The following RAI1 variants were observed in gnomAD, a reference collection of about 807,000 sequenced individuals.
The protein encoded by RAI1 is retinoic acid-induced protein 1.
In RAI1, 9 loss-of-function variants were observed where a neutral mutation model predicts 123.8. The ratio of observed to expected loss-of-function variants is 0.07; its 90% CI spans 0.04 to 0.13. The LOEUF (loss-of-function observed/expected upper bound fraction) is 0.13, where lower values mean the gene tolerates loss of function less well. Ranked by LOEUF, RAI1 falls within the 10% of genes least tolerant of loss-of-function variation. The pLI, the probability that RAI1 is intolerant of heterozygous loss-of-function variation, is 1.00. For synonymous variants in RAI1, 1,231 were observed against 1,127.3 expected (o/e 1.09, Z -1.84); for missense variants, 2,256 against 2,545.8 (o/e 0.89, Z 2.45).
intron 2 of RAI1, among the ~76,000 whole-genome samples, chr17:17,742,790 C>T (rs932511213): frequency 5.9e-5 from 9 of 152,160 alleles, no homozygotes; most frequent in Admixed American, 2.6e-4. Context: ...TCCTTGCACA[C>T]GCACTGTTCT....
chr17:17,708,135 C>T (rs898631074), intron 1 of RAI1, among the ~76,000 whole-genome samples: 10 of 152,190 alleles, frequency 6.6e-5, no homozygotes, highest in Admixed American at 6.5e-4. Context: ...TCTGCCTCTG[C>T]CTTGCTCCTC....
chr17:17,809,143 CAG>C lies in RAI1; in HGVS notation c.5660-246_5660-245del, dbSNP rs144128397. ...GTGAGGAGGGGCGGCACGTGGAACT[CAG>C]GGGGAAAAGCTCTCCGCGGAGGAGG... On this transcript the variant is annotated intron_variant, in intron 4 of 5. Transcript: ENST00000353383. The surrounding 1 kb of genome is among the most constrained non-coding windows in gnomAD (Gnocchi z 4.9). 8.2e-4 allele frequency: 481 copies of C among 588,672 alleles called. 3 individuals are homozygous for C. The East Asian group carries it at 0.011, about 14-fold the overall frequency. 36.5% of individuals were successfully genotyped at this position (588,672 alleles called of 1,614,324 possible).
Position 17,794,897 on chromosome 17 carries a change from T to G in RAI1, c.1949T>G (p.Leu650Arg), listed in dbSNP as rs1469128694. ...TCGCTGGAGAACCACAGCGCCTGCC[T>G]GGACTCTGTGGCCAAGAGTGCGTGG... ...PFSLENHSAC[L>R]DSVAKSAWPR... is the part of the protein sequence containing the mutation. The change falls in exon 3 of 6, where the codon CTG (leucine) becomes CGG (arginine). Residue 650 changes from leucine to arginine, a missense_variant. Around this residue, in one of 7 missense-constraint regions of RAI1, gnomAD observed 566 missense variants for 616.0 expected, o/e 0.92. Transcript: ENST00000353383. The G allele has an allele frequency of 6.2e-7, 1 of 1,613,514 alleles. No homozygotes were observed. Among genetic ancestry groups the G allele is most frequent in the East Asian group, 2.2e-5 (1 of 44,872 alleles).
intron 2 of RAI1, among the ~76,000 whole-genome samples, chr17:17,783,081 C>A (rs1358864488): frequency 1.4e-5 from 2 of 143,958 alleles, no homozygotes; most frequent in African/African-American, 2.6e-5. Flanking sequence ...TGGTGGCAGC[C>A]CCCCGCGGTC....
Position 17,799,896 on chromosome 17 carries a change from C to A in RAI1, c.5565+1383C>A, listed in dbSNP as rs972160637. 1.3e-5 allele frequency among the ~76,000 whole-genome samples: 2 copies of A among 152,200 alleles called. No individual in the cohort carries two copies. The highest frequency in any genetic ancestry group is 4.8e-5 in the African/African-American group (2 of 41,432). ...TGGCATTGCCTGGCCAAACCAAGGTCCCGGTGGGGGCCCACTGTGTTTGCC... is the reference window on the plus strand; with the variant it reads ...TGGCATTGCCTGGCCAAACCAAGGTACCGGTGGGGGCCCACTGTGTTTGCC... On this transcript the variant is annotated intron_variant, in intron 3 of 5. Coordinates refer to ENST00000353383, the MANE Select transcript of RAI1 (RefSeq NM_030665.4). The surrounding 1 kb of genome is among the most constrained non-coding windows in gnomAD (Gnocchi z 4.5).
intron 1 of RAI1, among the ~76,000 whole-genome samples, chr17:17,721,366 A>G (rs1279776696): frequency 1.3e-5 from 2 of 152,250 alleles, no homozygotes; most frequent in African/African-American, 4.8e-5. Context: ...GAACAAACAG[A>G]CAAAAATACC....
chr17:17,695,058 G>A (rs1914976515), intron 1 of RAI1, among the ~76,000 whole-genome samples: 1 of 152,122 alleles, frequency 6.6e-6, no homozygotes, highest in African/African-American at 2.4e-5. Flanking sequence ...GCAACCCCAC[G>A]GCAGGGGCCT....
chr17:17,776,299 A>C (rs371744309), intron 2 of RAI1, among the ~76,000 whole-genome samples: 13 of 152,336 alleles, frequency 8.5e-5, no homozygotes, highest in South Asian at 6.2e-4. Context: ...GAAGTTTTTA[A>C]ATCTTTTAGG....
chr17:17,757,443 G>A (rs541809357), intron 2 of RAI1, among the ~76,000 whole-genome samples: 2 of 152,298 alleles, frequency 1.3e-5, no homozygotes, highest in Non-Finnish European at 2.9e-5. Context: ...CCAGCCTGCC[G>A]TAGGGGTGGG....
chr17:17,704,864 TGG>T (rs5819620), intron 1 of RAI1, among the ~76,000 whole-genome samples: 2 of 130,738 alleles, frequency 1.5e-5, no homozygotes, highest in East Asian at 2.6e-4. Context: ...GGTTTTTGGG[TGG>T]GGGGGCCGGG....
At chr17:17,756,655 T>TA (rs59503666) in intron 2 of RAI1, among the ~76,000 whole-genome samples, 89,657 of 151,954 alleles carry the variant, frequency 0.59, 27,628 homozygotes, top group Non-Finnish European at 0.68. Context: ...CTTCCGCAAA[T>TA]CCTTGAGCGC....
At chr17:17,808,406 TTTATTTTA>T (rs1205545771) in intron 4 of RAI1, among the ~76,000 whole-genome samples, 8 of 102,108 alleles carry the variant, frequency 7.8e-5, no homozygotes, top group South Asian at 5.1e-4. Context: ...TTTATTTTAT[TTTATTTTA>T]TTATTTTATT....
intron 4 of RAI1, among the ~76,000 whole-genome samples, chr17:17,808,555 C>T (rs141264095): frequency 0.014 from 2,152 of 152,048 alleles, 37 homozygotes; most frequent in African/African-American, 0.035. Context: ...TCAAGTGATC[C>T]TCCCGCCCCA....
At chr17:17,743,267 G>C (rs1916702271) in intron 2 of RAI1, among the ~76,000 whole-genome samples, 1 of 152,164 alleles carries the variant, frequency 6.6e-6, no homozygotes, top group South Asian at 2.1e-4. Context: ...CTCCCAATGG[G>C]CTCACACCCC....
At position 17,793,848 on chromosome 17, in the gene RAI1, G is replaced by C. The variant is rs2032124095; in HGVS notation, c.900G>C (p.Gln300His). The stretch of plus-strand genomic sequence containing the variant: ...CCCTTCAGAGCCGGCACCATGCCCA[G>C]GAAACCCTCCATTACCAAAACCTCG... ...QQALQSRHHA[Q>H]ETLHYQNLAK... The change falls in exon 3 of 6, where the codon CAG (glutamine) becomes CAC (histidine). Residue 300 changes from glutamine (Q) to histidine (H), a missense_variant. Physicochemically the swap from Gln to His is conservative, Grantham distance 24 (BLOSUM62 0). Coordinates refer to ENST00000353383, the MANE Select transcript of RAI1 (RefSeq NM_030665.4). The C allele has an allele frequency of 1.2e-6, 2 of 1,613,212 alleles. No homozygotes were observed. The highest frequency in any genetic ancestry group is 1.7e-6 in the Non-Finnish European group (2 of 1,180,028).
At chr17:17,798,564 G>A in intron 3 of RAI1, 51 bp downstream of exon 3, 1 of 1,592,192 alleles carries the variant, frequency 6.3e-7, no homozygotes, top group Non-Finnish European at 8.5e-7. Context: ...CAAAGGACAG[G>A]CAGGCAGGCA....
In RAI1 at chr17:17,794,449, C is replaced by A. The variant is rs1299372537; in HGVS notation, c.1501C>A (p.Pro501Thr). 1 of 1,612,672 alleles carries A rather than the reference C, an allele frequency of 6.2e-7. No homozygotes were observed. Among genetic ancestry groups the A allele is most frequent in the Non-Finnish European group, 8.5e-7 (1 of 1,179,884 alleles). The change falls in exon 3 of 6, where the codon CCG (proline) becomes ACG (threonine). Residue 501 changes from proline (P) to threonine (T), a missense_variant. Pro to Thr is a conservative substitution (Grantham distance 38, BLOSUM62 -1). Around this residue, in one of 7 missense-constraint regions of RAI1, gnomAD observed 357 missense variants for 480.2 expected, o/e 0.74. Transcript: ENST00000353383. ...CGCAGGCACACCGCTGTCAGAGCCG[C>A]CGAGCAGCACGCCACAGTCCACGCA... is the stretch of plus-strand genomic sequence containing the variant. ...EPAGTPLSEP[P>T]SSTPQSTHAE...
In RAI1 at chr17:17,797,962, T is replaced by C; in HGVS notation, c.5014T>C (p.Leu1672=). ...CTTGCCCCTCTCCTCCACGATGCACTTGGGGCCTGTGGTTTCCAAGGCCCT... is the reference window on the plus strand; with the variant it reads ...CTTGCCCCTCTCCTCCACGATGCACCTGGGGCCTGTGGTTTCCAAGGCCCT... ...PSLPLSSTMH[L]GPVVSKALST... Residue 1672 remains leucine (L), a synonymous_variant, in exon 3 of 6, where the codon TTG becomes CTG. Coordinates refer to ENST00000353383, the MANE Select transcript of RAI1 (RefSeq NM_030665.4). 6.2e-7 allele frequency: 1 copy of C among 1,614,084 alleles called. No homozygotes were observed. The highest frequency in any genetic ancestry group is 1.1e-5 in the South Asian group (1 of 91,086).
chr17:17,735,766 C>G (rs920645013), intron 2 of RAI1, among the ~76,000 whole-genome samples: 1 of 152,204 alleles, frequency 6.6e-6, no homozygotes, highest in African/African-American at 2.4e-5. Context: ...AGATGCCCAA[C>G]CTGTGCCTTC....
Sources: allele counts gnomAD v4.1 joint callset (sites outside exome capture counted in the v4.1 genomes callset), GRCh38; gene constraint gnomAD v4.1.1; regional missense constraint gnomAD v4.1.1; non-coding constraint Gnocchi (gnomAD v3.1); transcripts MANE v1.5; gene names NCBI Gene and HGNC (gene_info 2026-07-23, HGNC 2026-07-21).